The following FNDC3A variants were observed in gnomAD, a reference collection of about 807,000 sequenced individuals.
The protein encoded by FNDC3A is fibronectin type-III domain-containing protein 3A.
Under a neutral mutation model 148.9 loss-of-function variants are expected in FNDC3A, and 32 were observed. The ratio of observed to expected loss-of-function variants is 0.21; its 90% confidence interval spans 0.16 to 0.29. FNDC3A has a LOEUF of 0.29. Ranked by LOEUF, FNDC3A falls within the 10% of genes least tolerant of loss-of-function variation. The pLI, the probability that FNDC3A is intolerant of heterozygous loss-of-function variation, is 1.00. For missense variants in FNDC3A, 1,191 were observed against 1,452.8 expected, an observed-to-expected ratio of 0.82 and a Z score of 2.93; for synonymous variants, 472 against 473.6, an observed-to-expected ratio of 1.00 and a Z score of 0.04.
At chr13:49,042,417 T>G (rs539138928) in intron 2 of FNDC3A, among the ~76,000 whole-genome samples, 1 of 152,316 alleles carries the variant, frequency 6.6e-6, no homozygotes, top group South Asian at 2.1e-4. Flanking sequence ...GCTCATATTT[T>G]TGTTTCCTTC....
intron 20 of FNDC3A, among the ~76,000 whole-genome samples, chr13:49,197,493 T>G (rs1474774709): frequency 6.6e-6 from 1 of 152,236 alleles, no homozygotes; most frequent in Non-Finnish European, 1.5e-5. Context: ...TAAAGTGACT[T>G]AGTCATATTT....
intron 8 of FNDC3A, chr13:49,146,202 G>A (rs1344534417): frequency 2.1e-5 from 7 of 330,812 alleles, no homozygotes; most frequent in East Asian, 7.1e-5. Flanking sequence ...CAGTATTCAC[G>A]TATTCTTAAT....
intron 2 of FNDC3A, 85 bp from the exon 3 acceptor site, chr13:49,075,204 T>C (rs529278736): frequency 7.0e-6 from 5 of 716,480 alleles, no homozygotes; most frequent in South Asian, 4.0e-5. Flanking sequence ...TAAGGTTAAA[T>C]AGCTTATATC....
chr13:49,009,991 A>G (rs1351468869), intron 2 of FNDC3A, among the ~76,000 whole-genome samples: 2 of 152,188 alleles, frequency 1.3e-5, no homozygotes, highest in East Asian at 1.9e-4. Context: ...AACTTAAGAG[A>G]TGGCACAAAG....
intron 5 of FNDC3A, 115 bp downstream of exon 5, chr13:49,131,489 G>A (rs184535607): frequency 1.3e-6 from 1 of 797,622 alleles, no homozygotes. Flanking sequence ...GATGTAACAG[G>A]CATTTTTCTT....
chr13:49,187,380 A>G (rs1165643148), intron 16 of FNDC3A, 190 bp downstream of exon 16: 4 of 852,118 alleles, frequency 4.7e-6, no homozygotes, highest in Non-Finnish European at 7.6e-6. Context: ...ATTGACAAAC[A>G]TATCTAGTAT....
Position 49,208,095 on chromosome 13 carries a change from T to C in FNDC3A, c.*700T>C, listed in dbSNP as rs1319455756. 1 of 152,308 alleles carries C rather than the reference T, an allele frequency of 6.6e-6. No homozygotes were observed. The highest frequency in any genetic ancestry group is 1.5e-5 in the Non-Finnish European group (1 of 68,032). The allele number at this position is 152,308 out of a possible 1,614,324, so 9.4% of individuals were successfully genotyped here. ...TACTCAAAAAGTACCTCTTCAGGTC[T>C]TGAGAACATGGAAAAGAATTGAGTG... is the stretch of plus-strand genomic sequence containing the variant. On this transcript the variant is annotated 3_prime_UTR_variant, in exon 26 of 26. Coordinates refer to ENST00000492622, the MANE Select transcript of FNDC3A (RefSeq NM_001079673.2).
At chr13:49,097,546 A>G (rs1372051523) in intron 3 of FNDC3A, among the ~76,000 whole-genome samples, 1 of 152,036 alleles carries the variant, frequency 6.6e-6, no homozygotes, top group Non-Finnish European at 1.5e-5. Flanking sequence ...TTGGTTTTCC[A>G]GTTCCCCTGG....
chr13:49,004,305 G>A (rs1437787231), intron 1 of FNDC3A, among the ~76,000 whole-genome samples: 1 of 152,048 alleles, frequency 6.6e-6, no homozygotes, highest in Non-Finnish European at 1.5e-5. Context: ...CAGGGTAAAA[G>A]TTTTGAATCT....
In FNDC3A at chr13:49,197,744, C is replaced by T; in HGVS notation, c.2360C>T (p.Thr787Ile). The change falls in exon 21 of 26, where the codon ACA (threonine) becomes ATA (isoleucine). Residue 787 changes from threonine to isoleucine, a missense_variant. By Grantham distance (89) the Thr-to-Ile change is moderately conservative. Transcript: ENST00000492622. ...VNWEVPLSNGTDVTEYRLEWG... is the reference protein window; with the variant it reads ...VNWEVPLSNGIDVTEYRLEWG... ...TTAAAGGTTCCTTTGAGTAATGGAA[C>T]AGATGTCACTGAATATCGACTGGAG... 1 of 1,609,648 alleles carries T rather than the reference C, an allele frequency of 6.2e-7. No homozygotes were observed. The highest frequency in any genetic ancestry group is 8.5e-7 in the Non-Finnish European group (1 of 1,178,912).
chr13:49,059,210 A>C (rs1411802107), intron 2 of FNDC3A, among the ~76,000 whole-genome samples: 3 of 152,238 alleles, frequency 2.0e-5, no homozygotes, highest in African/African-American at 7.2e-5. Flanking sequence ...TATACAAAAA[A>C]AATTAACTTA....
intron 2 of FNDC3A, among the ~76,000 whole-genome samples, chr13:49,052,578 CAG>C (rs1489107996): frequency 2.0e-5 from 3 of 152,130 alleles, no homozygotes; most frequent in Admixed American, 6.6e-5. Context: ...TTGGAGGTAA[CAG>C]GGGAGTAAAG....
At chr13:49,004,508 T>C (rs572587795) in intron 1 of FNDC3A, among the ~76,000 whole-genome samples, 6 of 152,114 alleles carry the variant, frequency 3.9e-5, no homozygotes, top group Admixed American at 3.3e-4. Context: ...TATTGAAATA[T>C]AGCATGTGGC....
intron 7 of FNDC3A, among the ~76,000 whole-genome samples, chr13:49,142,235 A>G (rs555720264): frequency 9.7e-4 from 148 of 152,270 alleles, no homozygotes; most frequent in South Asian, 6.6e-3. Flanking sequence ...ACTTTAGAAA[A>G]CCAAATTCTT....
At chr13:49,178,369 C>T (rs1885137453) in intron 13 of FNDC3A, among the ~76,000 whole-genome samples, 199 bp from the exon 14 acceptor site, 1 of 152,208 alleles carries the variant, frequency 6.6e-6, no homozygotes, top group Admixed American at 6.5e-5. Context: ...GCTTCATCTT[C>T]TACCAAATGT....
intron 8 of FNDC3A, among the ~76,000 whole-genome samples, chr13:49,166,696 T>C (rs2138041217): frequency 6.6e-6 from 1 of 152,330 alleles, no homozygotes; most frequent in East Asian, 1.9e-4. Context: ...GGACAACCTT[T>C]CTAGGCTCCC....
At chr13:49,081,135 G>A (rs1878441964) in intron 3 of FNDC3A, among the ~76,000 whole-genome samples, 1 of 152,140 alleles carries the variant, frequency 6.6e-6, no homozygotes, top group Non-Finnish European at 1.5e-5. Context: ...TGAGAGGCAG[G>A]TATGGCTTTT....
chr13:49,179,615 A>C (rs889373195), intron 14 of FNDC3A, among the ~76,000 whole-genome samples: 6 of 152,206 alleles, frequency 3.9e-5, no homozygotes. Context: ...TAAGGAAAGA[A>C]AGACTTTCTC....
In FNDC3A at chr13:49,160,101, CG is replaced by C. The variant is rs548836718; in HGVS notation, c.978-7141del. ...TCTCTTTTTTTGTTGTGTCTCTGCCCGGCTTTGGTATCAGGATGATGCTGGC... is the reference window on the plus strand; with the variant it reads ...TCTCTTTTTTTGTTGTGTCTCTGCCCGCTTTGGTATCAGGATGATGCTGGC... On this transcript the variant is annotated intron_variant, in intron 8 of 25. Transcript: ENST00000492622. Among the ~76,000 whole-genome samples, 656 of 152,120 alleles carry C rather than the reference CG, an allele frequency of 4.3e-3. 2 individuals carry two copies. The highest frequency in any genetic ancestry group is 6.8e-3 in the Non-Finnish European group (462 of 67,968).
Sources: gnomAD v4.1 joint callset for allele counts (sites outside exome capture counted in the v4.1 genomes callset) on GRCh38, gnomAD v4.1.1 for gene constraint, MANE v1.5 for transcripts, NCBI Gene and HGNC (gene_info 2026-07-23, HGNC 2026-07-21) for gene names.